FAM171B: variants seen among roughly 807,000 people sequenced by gnomAD.
The protein encoded by FAM171B is protein FAM171B.
FAM171B carries 19 observed loss-of-function variants against 75.6 expected under a neutral mutation model. The observed-to-expected ratio is 0.25, with a 90% CI of 0.18 to 0.37. The LOEUF (loss-of-function observed/expected upper bound fraction) is 0.37. Among genes scored for constraint, FAM171B ranks in the 10% least tolerant of loss-of-function variants. The pLI, the probability that FAM171B is intolerant of heterozygous loss-of-function variation, is 1.00. For missense variants in FAM171B, 848 were observed against 982.4 expected (o/e 0.86, Z 1.83); for synonymous variants, 367 against 361.7 (o/e 1.01, Z -0.17).
chr2:186,694,124 C>G lies in FAM171B; in HGVS notation c.-50C>G. The G allele has an allele frequency of 7.0e-7, 1 of 1,435,304 alleles. No individual in the cohort carries two copies. 88.9% of individuals were successfully genotyped at this position (1,435,304 alleles called of 1,614,324 possible). A position where few individuals can be genotyped will look rare whatever the true frequency, so the allele number is the denominator to read the frequency against. ...AGGAGCCCGCAGCCCTGGCGCCCGC[C>G]GCCGCCCGGAGCCCCGCAATATGCC... On this transcript the variant is annotated 5_prime_UTR_variant, in exon 1 of 8. Coordinates refer to ENST00000304698, the MANE Select transcript of FAM171B (RefSeq NM_177454.4).
chr2:186,712,705 C>T (rs1480373182), intron 1 of FAM171B, among the ~76,000 whole-genome samples: 1 of 152,078 alleles, frequency 6.6e-6, no homozygotes, highest in African/African-American at 2.4e-5. Context: ...ATTTTTGTCT[C>T]TTATTAGCAC....
chr2:186,697,038 G>A (rs1426680893), intron 1 of FAM171B, among the ~76,000 whole-genome samples: 1 of 151,958 alleles, frequency 6.6e-6, no homozygotes, highest in Non-Finnish European at 1.5e-5. Context: ...ATGGATGGAT[G>A]GATGAATGAA....
intron 1 of FAM171B, among the ~76,000 whole-genome samples, chr2:186,701,241 CATATT>C (rs775434683): frequency 6.6e-6 from 1 of 152,170 alleles, no homozygotes; most frequent in Admixed American, 6.6e-5. Context: ...TTAAATTGTA[CATATT>C]ATATTATAAC....
At chr2:186,745,853 G>C (rs1690357980) in intron 3 of FAM171B, among the ~76,000 whole-genome samples, 1 of 152,194 alleles carries the variant, frequency 6.6e-6, no homozygotes, top group African/African-American at 2.4e-5. Flanking sequence ...GTACCTGTGA[G>C]TGATCAGAAG....
At chr2:186,721,778 A>T (rs1294671442) in intron 1 of FAM171B, among the ~76,000 whole-genome samples, 1 of 152,144 alleles carries the variant, frequency 6.6e-6, no homozygotes, top group Non-Finnish European at 1.5e-5. Context: ...AGTATGTAGC[A>T]TTAAGACTGC....
At chr2:186,737,437 G>A (rs1048072405) in intron 1 of FAM171B, among the ~76,000 whole-genome samples, 1 of 152,132 alleles carries the variant, frequency 6.6e-6, no homozygotes, top group Admixed American at 6.5e-5. Context: ...GCTCACTGCA[G>A]CCTTGACCTC....
At chr2:186,696,575 T>A (rs1202915338) in intron 1 of FAM171B, among the ~76,000 whole-genome samples, 3 of 148,240 alleles carry the variant, frequency 2.0e-5, no homozygotes, top group African/African-American at 7.5e-5. Context: ...CTAGATCCTT[T>A]GTATCCTCCT....
At chr2:186,711,651 AT>A (rs34122042) in intron 1 of FAM171B, among the ~76,000 whole-genome samples, 67 of 150,850 alleles carry the variant, frequency 4.4e-4, no homozygotes, top group African/African-American at 1.5e-3. Flanking sequence ...ATAAATTATT[AT>A]TTTTTTTTGC....
At chr2:186,761,060 T>G in intron 6 of FAM171B, 53 bp from the exon 7 acceptor site, 2 of 1,561,014 alleles carry the variant, frequency 1.3e-6, no homozygotes, top group South Asian at 1.2e-5. Flanking sequence ...GTGACATAGT[T>G]GAGAATTTGA....
chr2:186,728,297 T>C (rs1690064008), intron 1 of FAM171B, among the ~76,000 whole-genome samples: 1 of 152,206 alleles, frequency 6.6e-6, no homozygotes, highest in African/African-American at 2.4e-5. Context: ...CTCTTGTCTG[T>C]TTCAATATTG....
intron 1 of FAM171B, among the ~76,000 whole-genome samples, chr2:186,707,841 TAAAA>T (rs11352829): frequency 3.3e-3 from 482 of 144,324 alleles, no homozygotes; most frequent in African/African-American, 7.8e-3. Flanking sequence ...TTTTTTTTTT[TAAAA>T]AAAAAAAAAG....
intron 1 of FAM171B, among the ~76,000 whole-genome samples, chr2:186,704,065 A>G (rs368730690): frequency 3.3e-5 from 5 of 152,308 alleles, no homozygotes; most frequent in South Asian, 4.1e-4. Flanking sequence ...ATGAACTGGT[A>G]CTTTCAAAGT....
rs1690677625 is a variant in FAM171B, at chr2:186,764,941, C to A, written c.*2118C>A. ...CATATTGGTATAAGGGTATACCATT[C>A]AGGTATGCCACTTATTTTATTCATT... On this transcript the variant is annotated 3_prime_UTR_variant, in exon 8 of 8. Coordinates refer to ENST00000304698, the MANE Select transcript of FAM171B (RefSeq NM_177454.4). 1 of 151,920 alleles carries A rather than the reference C, an allele frequency of 6.6e-6. No individual in the cohort carries two copies. The highest frequency in any genetic ancestry group is 2.4e-5 in the African/African-American group (1 of 41,408). The allele number at this position is 151,920 out of a possible 1,614,324, so 9.4% of individuals were successfully genotyped here.
At chr2:186,760,929 C>T (rs985894129) in intron 6 of FAM171B, among the ~76,000 whole-genome samples, 184 bp from the exon 7 acceptor site, 2 of 151,928 alleles carry the variant, frequency 1.3e-5, no homozygotes, top group Non-Finnish European at 2.9e-5. Flanking sequence ...TTGGTTAAAG[C>T]GAGTCAGTCA....
Position 186,706,877 on chromosome 2 carries a change from A to G in FAM171B, c.238+12466A>G, listed in dbSNP as rs182427746. ...ATTTGTTCTCTAATAATTACATTAT[A>G]TTGAAAATTATATATTAATATTATA... is the stretch of plus-strand genomic sequence containing the variant. On this transcript the variant is annotated intron_variant, in intron 1 of 7. Coordinates refer to ENST00000304698, the MANE Select transcript of FAM171B (RefSeq NM_177454.4). 3.9e-5 allele frequency among the ~76,000 whole-genome samples: 6 copies of G among 152,208 alleles called. No homozygotes were observed. The East Asian group carries it at 1.2e-3, about 29-fold the overall frequency.
At chr2:186,728,211 A>G (rs1690062975) in intron 1 of FAM171B, among the ~76,000 whole-genome samples, 1 of 152,204 alleles carries the variant, frequency 6.6e-6, no homozygotes, top group African/African-American at 2.4e-5. Context: ...TTTGATACTT[A>G]GAGGAATTTT....
At chr2:186,716,277 G>A (rs372287051) in intron 1 of FAM171B, among the ~76,000 whole-genome samples, 80 of 152,194 alleles carry the variant, frequency 5.3e-4, no homozygotes, top group African/African-American at 1.9e-3. Flanking sequence ...GCCTCCCAAA[G>A]CACTGGGATT....
chr2:186,756,162 T>A (rs1365741684), intron 6 of FAM171B, among the ~76,000 whole-genome samples: 2 of 152,230 alleles, frequency 1.3e-5, no homozygotes, highest in African/African-American at 2.4e-5. Flanking sequence ...GGAAGTTCTG[T>A]TCCAGATTAT....
chr2:186,751,982 G>A (rs777293633), intron 5 of FAM171B, among the ~76,000 whole-genome samples: 3 of 152,130 alleles, frequency 2.0e-5, no homozygotes, highest in Non-Finnish European at 2.9e-5. Flanking sequence ...CTTGGGCTTG[G>A]TTTCTCTCCT....
Sources: gnomAD v4.1 joint callset for allele counts (sites outside exome capture counted in the v4.1 genomes callset) on GRCh38, gnomAD v4.1.1 for gene constraint, MANE v1.5 for transcripts, NCBI Gene and HGNC (gene_info 2026-07-23, HGNC 2026-07-21) for gene names.